Variants in THSD7B observed in about 807,000 individuals in gnomAD.
THSD7B encodes the protein thrombospondin type-1 domain-containing protein 7B.
A neutral mutation model predicts 213.6 loss-of-function variants in THSD7B; 138 were observed. The observed-to-expected ratio is 0.65, with a 90% CI of 0.56 to 0.74. THSD7B has a LOEUF of 0.74. Among genes scored for constraint, THSD7B ranks in the 30% least tolerant of loss-of-function variants. THSD7B has a pLI of 0.00. For synonymous variants in THSD7B, 742 were observed against 687.0 expected (o/e 1.08, Z -1.25); for missense variants, 1,931 against 1,991.5 (o/e 0.97, Z 0.58).
intron 2 of THSD7B, among the ~76,000 whole-genome samples, chr2:136,962,085 G>A (rs1685229070): frequency 6.6e-6 from 1 of 152,212 alleles, no homozygotes; most frequent in South Asian, 2.1e-4. Context: ...GAGGGAGGCA[G>A]AACAAGAGTG....
intron 5 of THSD7B, among the ~76,000 whole-genome samples, chr2:137,144,661 T>TGATCTGGTGGAAATAGATGATCTA (rs1679658558): frequency 2.0e-5 from 3 of 152,026 alleles, no homozygotes; most frequent in Non-Finnish European, 4.4e-5. Context: ...ACACTAATAA[T>TGATCTGGTGGAAATAGATGATCTA]GACTATCTGG....
At chr2:136,973,287 A>G (rs772830769) in intron 2 of THSD7B, among the ~76,000 whole-genome samples, 3 of 152,084 alleles carry the variant, frequency 2.0e-5, no homozygotes, top group Non-Finnish European at 2.9e-5. Flanking sequence ...CTTTCCTTTC[A>G]AGTGTATAAT....
Position 137,115,286 on chromosome 2 carries a change from C to A in THSD7B, c.1362C>A (p.Ala454=), listed in dbSNP as rs756003722. 1 of 1,559,358 alleles carries A rather than the reference C, an allele frequency of 6.4e-7. No individual in the cohort carries two copies. Among genetic ancestry groups the A allele is most frequent in the Non-Finnish European group, 8.7e-7 (1 of 1,155,140 alleles). Residue 454 remains alanine, a synonymous_variant, in exon 5 of 28, where the codon GCC becomes GCA. Transcript: ENST00000409968. ...TACCAGCAGCTGCCGCACTGAGGGC[C>A]AAGGAAGGTAGGCAGCCAGTTCCGG... ...QSVPAAAALR[A]KEVSRPVEKA... is the part of the protein sequence containing the mutation.
intron 12 of THSD7B, among the ~76,000 whole-genome samples, chr2:137,358,363 G>A (rs772698754): frequency 1.3e-5 from 2 of 152,068 alleles, no homozygotes; most frequent in Non-Finnish European, 2.9e-5. Context: ...AACAGCATCC[G>A]TAAGAGCATT....
intron 10 of THSD7B, among the ~76,000 whole-genome samples, chr2:137,246,654 C>A (rs1015702496): frequency 2.0e-5 from 3 of 152,124 alleles, no homozygotes; most frequent in Non-Finnish European, 4.4e-5. Context: ...CAATGATAGT[C>A]TCATATTTTT....
In THSD7B at chr2:137,346,542, A is replaced by G. The variant is rs564680002; in HGVS notation, c.2501-59071A>G. 4.0e-5 allele frequency among the ~76,000 whole-genome samples: 6 copies of G among 151,462 alleles called. No individual in the cohort carries two copies. In the South Asian group the frequency reaches 1.2e-3, roughly 32 times the overall value. ...ATGCCCTTGATTGAGCATATCCCTA[A>G]GTAGCATTGACTCTTATACCAATTA... On this transcript the variant is annotated intron_variant, in intron 12 of 27. Transcript: ENST00000409968.
At position 137,053,305 on chromosome 2, in the gene THSD7B, C is replaced by G. The variant is rs189071403; in HGVS notation, c.140-3115C>G. On this transcript the variant is annotated intron_variant, in intron 2 of 27. Coordinates refer to ENST00000409968, the MANE Select transcript of THSD7B (RefSeq NM_001316349.2). ...ATTAACTCATATCCAAATAGGAGAT[C>G]ATGGCTAAGCTAAGAAACATCTTCA... is the stretch of plus-strand genomic sequence containing the variant. Among the ~76,000 whole-genome samples the G allele has an allele frequency of 5.3e-5, 8 of 152,176 alleles. No individual in the cohort carries two copies. The East Asian group carries it at 1.4e-3, about 26-fold the overall frequency.
intron 12 of THSD7B, among the ~76,000 whole-genome samples, chr2:137,368,096 G>A (rs1332957745): frequency 6.6e-6 from 1 of 151,994 alleles, no homozygotes; most frequent in Non-Finnish European, 1.5e-5. Context: ...TGTTGAGAAA[G>A]AATAAAAGCC....
intron 1 of THSD7B, among the ~76,000 whole-genome samples, chr2:136,789,761 A>C (rs1316768922): frequency 6.6e-6 from 1 of 152,168 alleles, no homozygotes; most frequent in Non-Finnish European, 1.5e-5. Context: ...CAGATGAATA[A>C]ATGTTACAAA....
rs1214042445 is a variant in THSD7B at position 137,160,234 on chromosome 2, C to T, written c.1391C>T (p.Ala464Val). 2.5e-6 allele frequency: 4 copies of T among 1,613,280 alleles called. No individual in the cohort carries two copies. The highest frequency in any genetic ancestry group is 2.2e-5 in the East Asian group (1 of 44,854). ...TCAGTCTCTAGACCTGTGGAAAAGG[C>T]ATTATGTGTGGGACCCGCCCCGTTG... ...AKEVSRPVEK[A>V]LCVGPAPLPS... Residue 464 changes from alanine to valine, a missense_variant, in exon 6 of 28, where the codon GCA (alanine) becomes GTA (valine). Coordinates refer to ENST00000409968, the MANE Select transcript of THSD7B (RefSeq NM_001316349.2).
chr2:136,765,978 G>GTGCCATGACATC (rs1681382510), intron 1 of THSD7B, among the ~76,000 whole-genome samples: 1 of 152,204 alleles, frequency 6.6e-6, no homozygotes, highest in Non-Finnish European at 1.5e-5. Flanking sequence ...CCTGAGCACC[G>GTGCCATGACATC]ACCTCATGCA....
intron 1 of THSD7B, among the ~76,000 whole-genome samples, chr2:136,834,945 T>C (rs1224466311): frequency 6.6e-6 from 1 of 152,174 alleles, no homozygotes; most frequent in Non-Finnish European, 1.5e-5. Flanking sequence ...CCCCATTGTC[T>C]TTTTTTCCCT....
chr2:136,910,036 C>T (rs1336433896), intron 2 of THSD7B, among the ~76,000 whole-genome samples: 2 of 152,084 alleles, frequency 1.3e-5, no homozygotes, highest in Non-Finnish European at 2.9e-5. Context: ...GGGGAAATAT[C>T]TCTGCTGGCT....
At chr2:136,860,693 T>C (rs1683244626) in intron 1 of THSD7B, among the ~76,000 whole-genome samples, 1 of 152,224 alleles carries the variant, frequency 6.6e-6, no homozygotes, top group African/African-American at 2.4e-5. Flanking sequence ...AACTGCATCA[T>C]ATCTAGTCTC....
intron 15 of THSD7B, among the ~76,000 whole-genome samples, chr2:137,562,844 CATGTT>C (rs1352692804): frequency 1.3e-5 from 2 of 152,010 alleles, no homozygotes; most frequent in African/African-American, 4.8e-5. Context: ...TTTCAATTGA[CATGTT>C]AAAGTACATC....
chr2:137,341,825 T>C (rs570812568), intron 12 of THSD7B, among the ~76,000 whole-genome samples: 36 of 151,878 alleles, frequency 2.4e-4, no homozygotes, highest in African/African-American at 8.4e-4. Flanking sequence ...CGTTGGTTAA[T>C]GTGTCTTTCT....
intron 12 of THSD7B, among the ~76,000 whole-genome samples, chr2:137,378,475 C>G (rs1290604322): frequency 6.6e-6 from 1 of 152,102 alleles, no homozygotes; most frequent in Non-Finnish European, 1.5e-5. Flanking sequence ...AAGCAAGCTA[C>G]TTTTTGTACT....
intron 2 of THSD7B, among the ~76,000 whole-genome samples, chr2:136,940,129 A>G (rs1013847552): frequency 1.3e-5 from 2 of 152,102 alleles, no homozygotes; most frequent in Non-Finnish European, 2.9e-5. Context: ...CCAACAGTAT[A>G]CATTGTACCC....
At chr2:136,879,090 T>G (rs1471680629) in intron 1 of THSD7B, among the ~76,000 whole-genome samples, 4 of 152,346 alleles carry the variant, frequency 2.6e-5, no homozygotes, top group South Asian at 4.1e-4. Context: ...AATTGATTTT[T>G]GTATAAGGTG....
Sources: allele counts gnomAD v4.1 joint callset (sites outside exome capture counted in the v4.1 genomes callset), GRCh38; gene constraint gnomAD v4.1.1; transcripts MANE v1.5; gene names NCBI Gene and HGNC (gene_info 2026-07-23, HGNC 2026-07-21).